CYFIP1: variants seen among roughly 807,000 people sequenced by gnomAD.
The protein encoded by CYFIP1 is cytoplasmic FMR1-interacting protein 1.
CYFIP1 carries 58 observed loss-of-function variants against 163.5 expected under a neutral mutation model. That is an observed-to-expected ratio of 0.35 (90% CI 0.29 to 0.44). The LOEUF (loss-of-function observed/expected upper bound fraction) is 0.44. Among genes scored for constraint, CYFIP1 ranks in the 20% least tolerant of loss-of-function variants. The pLI, the probability that CYFIP1 is intolerant of heterozygous loss-of-function variation, is 1.00. For missense variants in CYFIP1, 1,338 were observed against 1,653.8 expected, an observed-to-expected ratio of 0.81 and a Z score of 3.31; for synonymous variants, 663 against 660.7, an observed-to-expected ratio of 1.00 and a Z score of -0.05.
In CYFIP1 at chr15:22,906,322, G is replaced by A. The variant is rs28588443; in HGVS notation, c.2389-2417C>T. Among the ~76,000 whole-genome samples, 1,075 of 151,372 alleles carry A rather than the reference G, an allele frequency of 7.1e-3. 13 individuals are homozygous for A. Among genetic ancestry groups the A allele is most frequent in the African/African-American group, 0.025 (1,011 of 41,202 alleles). On this transcript the variant is annotated intron_variant, in intron 21 of 30. Transcript: ENST00000617928. ...GGGGTTTCACCACGTTGGCCAGCCT[G>A]GTCTTGAACTCCTGACCTCAGGCAA... is the stretch of plus-strand genomic sequence containing the variant.
At chr15:22,953,749 C>CT (rs1229121893) in intron 1 of CYFIP1, among the ~76,000 whole-genome samples, 4 of 152,200 alleles carry the variant, frequency 2.6e-5, no homozygotes, top group Non-Finnish European at 4.4e-5. Flanking sequence ...CTAGCCAGCA[C>CT]TTTAGAGTTT....
chr15:22,869,041 T>C lies in CYFIP1; in HGVS notation c.*987A>G, dbSNP rs902838196. ...TACTGGTAGTCTAGACCGATTGTTTTTCATTCTGACAGATCATGTGAACCA... is the reference window on the plus strand; with the variant it reads ...TACTGGTAGTCTAGACCGATTGTTTCTCATTCTGACAGATCATGTGAACCA... On this transcript the variant is annotated 3_prime_UTR_variant, in exon 31 of 31. Transcript: ENST00000617928. The C allele has an allele frequency of 6.6e-6, 1 of 152,210 alleles. No homozygotes were observed. Among genetic ancestry groups the C allele is most frequent in the Non-Finnish European group, 1.5e-5 (1 of 68,024 alleles). The allele number at this position is 152,210 out of a possible 1,614,324, so 9.4% of individuals were successfully genotyped here. A position where few individuals can be genotyped will look rare whatever the true frequency, so the allele number is the denominator to read the frequency against.
intron 1 of CYFIP1, among the ~76,000 whole-genome samples, chr15:22,958,147 G>T (rs893898943): frequency 2.0e-5 from 3 of 150,346 alleles, no homozygotes; most frequent in Non-Finnish European, 4.4e-5. Context: ...CCGGGCTGGC[G>T]CAATCTCGGC....
Position 22,873,634 on chromosome 15 carries a change from G to C in CYFIP1, c.3306C>G (p.Ser1102Arg). Residue 1102 changes from serine (S) to arginine (R), a missense_variant, in exon 29 of 31, where the codon AGC (serine) becomes AGG (arginine). Coordinates refer to ENST00000617928, the MANE Select transcript of CYFIP1 (RefSeq NM_014608.6). ...MFEVILTRIR[S>R]FLDDPIWRGP... ...CGCGCCAGATGGGGTCATCCAGAAA[G>C]CTCCGGATCCGTGTCAGGATGACCT... is the stretch of plus-strand genomic sequence containing the variant. 1 of 1,614,260 alleles carries C rather than the reference G, an allele frequency of 6.2e-7. No homozygotes were observed. Among genetic ancestry groups the C allele is most frequent in the African/African-American group, 1.3e-5 (1 of 75,076 alleles).
chr15:22,955,456 C>A (rs570036832), intron 1 of CYFIP1, among the ~76,000 whole-genome samples: 6 of 152,326 alleles, frequency 3.9e-5, no homozygotes, highest in Admixed American at 3.3e-4. Context: ...GCCTGAGGGG[C>A]AGGACAGAGG....
At position 22,903,199 on chromosome 15, in the gene CYFIP1, C is replaced by G. The variant is rs74935815; in HGVS notation, c.2588+507G>C. Among the ~76,000 whole-genome samples the G allele has an allele frequency of 3.8e-3, 586 of 152,230 alleles. 2 individuals carry two copies. Among genetic ancestry groups the G allele is most frequent in the African/African-American group, 0.013 (557 of 41,536 alleles). ...GGCACGCGCTGACACTGTATAGATG[C>G]TGAGCTCAGTGAGCAGAGAAGGAAC... On this transcript the variant is annotated intron_variant, in intron 22 of 30. Coordinates refer to ENST00000617928, the MANE Select transcript of CYFIP1 (RefSeq NM_014608.6).
Position 22,932,276 on chromosome 15 carries a change from G to C in CYFIP1, c.1057C>G (p.Arg353Gly), listed in dbSNP as rs369156833. Residue 353 changes from arginine (R) to glycine (G), a missense_variant, in exon 11 of 31, where the codon CGC becomes GGC. This residue lies in a region of CYFIP1 where 824 missense variants were observed against 995.7 expected (regional missense o/e 0.83). Coordinates refer to ENST00000617928, the MANE Select transcript of CYFIP1 (RefSeq NM_014608.6). ...GAAATGAAGCGCATGTGGTCCTCGCGGATCTGGATCATCTGCTCGCAGATG... is the reference window on the plus strand; with the variant it reads ...GAAATGAAGCGCATGTGGTCCTCGCCGATCTGGATCATCTGCTCGCAGATG... ...YNICEQMIQI[R>G]EDHMRFISEL... The C allele has an allele frequency of 1.2e-6, 2 of 1,613,218 alleles. No homozygotes were observed. The highest frequency in any genetic ancestry group is 1.7e-6 in the Non-Finnish European group (2 of 1,179,642).
intron 6 of CYFIP1, 46 bp from the exon 7 acceptor site, chr15:22,939,553 CATTTAA>C: frequency 2.4e-6 from 1 of 424,318 alleles, no homozygotes; most frequent in Non-Finnish European, 3.7e-6. Context: ...CAACGTGCCA[CATTTAA>C]AAAAAAAAAA....
chr15:22,916,274 G>A (rs1166931701), intron 16 of CYFIP1, among the ~76,000 whole-genome samples: 1 of 152,202 alleles, frequency 6.6e-6, no homozygotes. Context: ...GGGCTCCTCA[G>A]TTTATACCCT....
intron 17 of CYFIP1, among the ~76,000 whole-genome samples, chr15:22,913,938 A>T (rs1320454609): frequency 2.0e-5 from 3 of 152,178 alleles, no homozygotes; most frequent in Non-Finnish European, 4.4e-5. Flanking sequence ...ACGCACAAGG[A>T]ACTCAGGGGC....
At chr15:22,979,618 CCTT>C (rs1402557397) in intron 1 of CYFIP1, among the ~76,000 whole-genome samples, 1 of 152,140 alleles carries the variant, frequency 6.6e-6, no homozygotes, top group Non-Finnish European at 1.5e-5. Flanking sequence ...ATTCTTGCAC[CCTT>C]CTTGTCACAC....
intron 3 of CYFIP1, among the ~76,000 whole-genome samples, chr15:22,945,556 T>C (rs2062029237): frequency 6.6e-6 from 1 of 151,934 alleles, no homozygotes; most frequent in African/African-American, 2.4e-5. Flanking sequence ...AGCCTTTATT[T>C]AGTGAGACGT....
At chr15:22,896,804 C>G (rs375895161) in intron 22 of CYFIP1, among the ~76,000 whole-genome samples, 2,346 of 152,220 alleles carry the variant, frequency 0.015, 60 homozygotes, top group African/African-American at 0.053. Context: ...AGTGATTTTT[C>G]TCTGGGCTAT....
chr15:22,908,198 C>T (rs1245870196), intron 21 of CYFIP1, among the ~76,000 whole-genome samples: 1 of 152,136 alleles, frequency 6.6e-6, no homozygotes, highest in Admixed American at 6.5e-5. Context: ...TGAAGACTCA[C>T]ACTGCAAATT....
chr15:22,955,527 G>C (rs1413540042), intron 1 of CYFIP1, among the ~76,000 whole-genome samples: 4 of 151,866 alleles, frequency 2.6e-5, no homozygotes, highest in African/African-American at 9.7e-5. Flanking sequence ...CAGGGGCTGG[G>C]GAGGCAGGGG....
intron 1 of CYFIP1, among the ~76,000 whole-genome samples, chr15:22,979,610 T>C (rs2063399300): frequency 6.6e-6 from 1 of 152,184 alleles, no homozygotes; most frequent in Non-Finnish European, 1.5e-5. Flanking sequence ...TCCCGATTAT[T>C]CTTGCACCCT....
intron 16 of CYFIP1, 40 bp from the exon 17 acceptor site, chr15:22,914,922 C>CAA: frequency 2.0e-6 from 3 of 1,525,906 alleles, no homozygotes; most frequent in Non-Finnish European, 1.8e-6. Flanking sequence ...CTCCCGCAAG[C>CAA]AAAAAAAAAC....
At chr15:22,957,021 A>C (rs896133685) in intron 1 of CYFIP1, among the ~76,000 whole-genome samples, 2 of 152,282 alleles carry the variant, frequency 1.3e-5, no homozygotes, top group African/African-American at 4.8e-5. Context: ...CCAAGGTTGC[A>C]AAATGTGGAG....
At chr15:22,963,648 A>G (rs986256962) in intron 1 of CYFIP1, among the ~76,000 whole-genome samples, 1 of 152,192 alleles carries the variant, frequency 6.6e-6, no homozygotes, top group African/African-American at 2.4e-5. Flanking sequence ...CGACTCTTCA[A>G]GCGGAAGTGT....
Sources: allele counts gnomAD v4.1 joint callset (sites outside exome capture counted in the v4.1 genomes callset), GRCh38; gene constraint gnomAD v4.1.1; regional missense constraint gnomAD v4.1.1; transcripts MANE v1.5; gene names NCBI Gene and HGNC (gene_info 2026-07-23, HGNC 2026-07-21).